MOGAT1: variants seen among roughly 807,000 people sequenced by gnomAD.
MOGAT1 encodes monoacylglycerol O-acyltransferase 1, also known as 2-acylglycerol O-acyltransferase 1.
In MOGAT1, 32 loss-of-function variants were observed where a neutral mutation model predicts 31.4. The observed-to-expected ratio is 1.02, with a 90% CI of 0.77 to 1.37. The LOEUF is 1.37. Among genes scored for constraint, MOGAT1 ranks in the 40% most tolerant of loss-of-function variants. The probability of loss-of-function intolerance (pLI) is 0.00; values close to 1 mark genes in which losing one functional copy is unlikely to be tolerated. For synonymous variants in MOGAT1, 145 were observed against 144.5 expected (o/e 1.00, Z -0.03); for missense variants, 426 against 402.0 (o/e 1.06, Z -0.51).
In MOGAT1 at chr2:222,671,897, C is replaced by A. The variant is rs1376325640; in HGVS notation, c.94+18C>A. ...GCTGCTCGGTAAGGACCCCGCCCCC[C>A]GGGCCGCGGGGCTTGGGCTCCATAT... is the stretch of plus-strand genomic sequence containing the variant. On this transcript the variant is annotated intron_variant, in intron 1 of 5. Coordinates refer to ENST00000446656, the MANE Select transcript of MOGAT1 (RefSeq NM_058165.3). 1.3e-6 allele frequency: 2 copies of A among 1,543,948 alleles called. No individual in the cohort carries two copies. Among genetic ancestry groups the A allele is most frequent in the South Asian group, 2.4e-5 (2 of 83,862 alleles).
intron 1 of MOGAT1, among the ~76,000 whole-genome samples, chr2:222,673,597 C>A (rs7571732): frequency 0.57 from 86,429 of 152,030 alleles, 26,360 homozygotes; most frequent in Middle Eastern, 0.78. Flanking sequence ...CAAGGCGATG[C>A]AGCTAGCAGG....
intron 1 of MOGAT1, among the ~76,000 whole-genome samples, chr2:222,676,317 T>G (rs376298687): frequency 1.3e-5 from 2 of 152,222 alleles, no homozygotes; most frequent in South Asian, 4.2e-4. Context: ...CACCACAGAT[T>G]AGTTTGCATT....
chr2:222,707,672 C>A (rs543588767), intron 5 of MOGAT1, among the ~76,000 whole-genome samples: 74 of 152,284 alleles, frequency 4.9e-4, no homozygotes, highest in African/African-American at 1.6e-3. Flanking sequence ...CTTATGTCTA[C>A]TATGTATAAA....
rs971830359 is a variant in MOGAT1 at position 222,671,783 on chromosome 2, G to T, written c.-3G>T. On this transcript the variant is annotated 5_prime_UTR_variant, in exon 1 of 6. Coordinates refer to ENST00000446656, the MANE Select transcript of MOGAT1 (RefSeq NM_058165.3). ...GCTGGCGCCGTCCTCGCCCGGCCAG[G>T]CCATGAAGGTAGAGTTTGCACCGCT... 29 of 1,550,822 alleles carry T rather than the reference G, an allele frequency of 1.9e-5. No homozygotes were observed. The highest frequency in any genetic ancestry group is 1.2e-4 in the Admixed American group (6 of 51,004).
At chr2:222,689,508 G>C in intron 3 of MOGAT1, 39 bp downstream of exon 3, 1 of 1,571,806 alleles carries the variant, frequency 6.4e-7, no homozygotes, top group Non-Finnish European at 8.8e-7. Flanking sequence ...AGTGCTTTGG[G>C]GTAGCAGGAG....
chr2:222,707,532 T>C (rs1227345127), intron 5 of MOGAT1, among the ~76,000 whole-genome samples: 1 of 152,096 alleles, frequency 6.6e-6, no homozygotes, highest in South Asian at 2.1e-4. Context: ...CAGCCCAGCC[T>C]TGTGCTTTTT....
intron 1 of MOGAT1, among the ~76,000 whole-genome samples, chr2:222,675,371 A>G (rs942397876): frequency 6.6e-6 from 1 of 152,136 alleles, no homozygotes; most frequent in Admixed American, 6.5e-5. Flanking sequence ...GAAGGAAGTA[A>G]TCCGAGGTGA....
At chr2:222,704,496 C>T (rs1272766636) in intron 5 of MOGAT1, among the ~76,000 whole-genome samples, 1 of 151,896 alleles carries the variant, frequency 6.6e-6, no homozygotes, top group South Asian at 2.1e-4. Context: ...TGGTGGTGGA[C>T]GCCTGTAGTC....
chr2:222,706,648 A>G (rs562779519), intron 5 of MOGAT1, among the ~76,000 whole-genome samples: 1 of 152,352 alleles, frequency 6.6e-6, no homozygotes, highest in South Asian at 2.1e-4. Context: ...TAAAGTAAGC[A>G]GAGAAGAACA....
At chr2:222,688,270 T>TC in intron 1 of MOGAT1, 74 bp from the exon 2 acceptor site, 2 of 1,180,082 alleles carry the variant, frequency 1.7e-6, no homozygotes, top group African/African-American at 3.1e-5. Context: ...TATGTATTAA[T>TC]CCCCCTGCCA....
chr2:222,677,042 G>T (rs922010864), intron 1 of MOGAT1, among the ~76,000 whole-genome samples: 3 of 152,070 alleles, frequency 2.0e-5, no homozygotes, highest in African/African-American at 7.2e-5. Flanking sequence ...ATCTAGTAGG[G>T]AATACTGAAA....
chr2:222,676,639 G>A (rs928463191), intron 1 of MOGAT1, among the ~76,000 whole-genome samples: 8 of 152,136 alleles, frequency 5.3e-5, no homozygotes, highest in Admixed American at 2.0e-4. Context: ...ACAGTTGCAG[G>A]TTTAACTTTT....
intron 5 of MOGAT1, among the ~76,000 whole-genome samples, chr2:222,701,537 A>AAGAG (rs145633996): frequency 0.49 from 69,070 of 142,036 alleles, 18,298 homozygotes; most frequent in African/African-American, 0.66. Flanking sequence ...AAGAAAGAGA[A>AAGAG]AGAAAAAAGA....
intron 1 of MOGAT1, among the ~76,000 whole-genome samples, chr2:222,687,705 C>A (rs113381509): frequency 6.6e-6 from 1 of 152,068 alleles, no homozygotes; most frequent in Non-Finnish European, 1.5e-5. Context: ...CTGAAGAGTC[C>A]CACCTTTGCT....
chr2:222,694,187 T>G (rs1692807781), intron 3 of MOGAT1, among the ~76,000 whole-genome samples, 175 bp from the exon 4 acceptor site: 1 of 152,226 alleles, frequency 6.6e-6, no homozygotes, highest in Non-Finnish European at 1.5e-5. Context: ...AACTTATTAA[T>G]AGAATACATT....
intron 3 of MOGAT1, among the ~76,000 whole-genome samples, chr2:222,692,870 G>T (rs1239096593): frequency 6.6e-6 from 1 of 152,100 alleles, no homozygotes; most frequent in Non-Finnish European, 1.5e-5. Flanking sequence ...CCCTCTTCCT[G>T]GTGGAAGAGA....
At chr2:222,707,323 GAGAAAGAAAGAAAA>G (rs1438184690) in intron 5 of MOGAT1, among the ~76,000 whole-genome samples, 45 of 138,550 alleles carry the variant, frequency 3.2e-4, no homozygotes, top group South Asian at 7.2e-4. Context: ...AGGAAGGAAG[GAGAAAGAAAGAAAA>G]AGAAAGAAAG....
At chr2:222,704,074 T>G (rs1301931861) in intron 5 of MOGAT1, among the ~76,000 whole-genome samples, 1 of 152,212 alleles carries the variant, frequency 6.6e-6, no homozygotes, top group African/African-American at 2.4e-5. Flanking sequence ...TAAAAAGCAG[T>G]GAAACATAAA....
intron 3 of MOGAT1, among the ~76,000 whole-genome samples, chr2:222,690,486 G>A (rs1056910982): frequency 1.3e-5 from 2 of 152,040 alleles, no homozygotes; most frequent in African/African-American, 4.8e-5. Context: ...GAACCCAGGA[G>A]GTGGAGGTTG....
Sources: allele counts gnomAD v4.1 joint callset (sites outside exome capture counted in the v4.1 genomes callset), GRCh38; gene constraint gnomAD v4.1.1; transcripts MANE v1.5; gene names NCBI Gene and HGNC (gene_info 2026-07-23, HGNC 2026-07-21).